PLPP3: variants seen among roughly 807,000 people sequenced by gnomAD.
The protein encoded by PLPP3 is PAP2 beta.
PLPP3 carries 6 observed loss-of-function variants against 29.6 expected under a neutral mutation model. The observed-to-expected ratio is 0.20, with a 90% CI of 0.11 to 0.40. The LOEUF is 0.40. Among genes scored for constraint, PLPP3 ranks in the 10% least tolerant of loss-of-function variants. The pLI, the probability that PLPP3 is intolerant of heterozygous loss-of-function variation, is 1.00. For synonymous variants in PLPP3, 152 were observed against 159.7 expected (o/e 0.95, Z 0.36); for missense variants, 308 against 407.7 (o/e 0.76, Z 2.11).
At chr1:56,572,200 C>T (rs1464761660) in intron 1 of PLPP3, among the ~76,000 whole-genome samples, 1 of 151,984 alleles carries the variant, frequency 6.6e-6, no homozygotes. Flanking sequence ...CAGGCACACA[C>T]CACGATGCCC....
chr1:56,554,505 G>T (rs1214263011), intron 1 of PLPP3, among the ~76,000 whole-genome samples: 1 of 151,040 alleles, frequency 6.6e-6, no homozygotes, highest in Admixed American at 6.6e-5. Flanking sequence ...CCGGGAGGCG[G>T]AGCTTGCAGT....
At chr1:56,554,831 T>C (rs79251419) in intron 1 of PLPP3, among the ~76,000 whole-genome samples, 3,436 of 152,262 alleles carry the variant, frequency 0.023, 49 homozygotes, top group South Asian at 0.092. Context: ...GGGATTTTCT[T>C]AGCACTCCAC....
chr1:56,540,175 A>G (rs1045379391), intron 1 of PLPP3, among the ~76,000 whole-genome samples: 20 of 152,224 alleles, frequency 1.3e-4, no homozygotes, highest in African/African-American at 4.8e-4. Context: ...TTTAATGGGA[A>G]GAATGAAATC....
At chr1:56,510,017 C>T (rs191758310) in intron 5 of PLPP3, among the ~76,000 whole-genome samples, 8 of 152,230 alleles carry the variant, frequency 5.3e-5, no homozygotes, top group Non-Finnish European at 8.8e-5. Flanking sequence ...TCCTCCCGAA[C>T]GCTCTGTCTA....
intron 1 of PLPP3, 31 bp downstream of exon 1, chr1:56,578,847 A>AGGGACAGC (rs755331016): frequency 1.3e-6 from 2 of 1,510,714 alleles, no homozygotes; most frequent in Admixed American, 4.3e-5. Context: ...CGAGGGGCCG[A>AGGGACAGC]GGGGCCGAGG....
intron 2 of PLPP3, among the ~76,000 whole-genome samples, chr1:56,532,096 C>T (rs908936986): frequency 6.6e-6 from 1 of 152,160 alleles, no homozygotes; most frequent in African/African-American, 2.4e-5. Context: ...TCTTCCAGGA[C>T]ATGAGAGTGA....
rs1178724860 is a variant in PLPP3 at position 56,558,907 on chromosome 1, G to T, written c.139+19971C>A. On this transcript the variant is annotated intron_variant, in intron 1 of 5. Transcript: ENST00000371250. ...CTTGTGACAGGGTTAATTCAACACA[G>T]TCAAGACCTCCAACTATCAGGCACT... is the stretch of plus-strand genomic sequence containing the variant. Among the ~76,000 whole-genome samples the T allele has an allele frequency of 5.9e-5, 9 of 152,192 alleles. No individual in the cohort carries two copies. The East Asian group carries it at 1.5e-3, about 26-fold the overall frequency.
Position 56,496,468 on chromosome 1 carries a change from C to T in PLPP3, c.*83G>A. On this transcript the variant is annotated 3_prime_UTR_variant, in exon 6 of 6. Coordinates refer to ENST00000371250, the MANE Select transcript of PLPP3 (RefSeq NM_003713.5). ...TCGGGCAAAAGTTTTTCCCTACATTCTACTGTCTGATGAGATTGGAGAGCA... is the reference window on the plus strand; with the variant it reads ...TCGGGCAAAAGTTTTTCCCTACATTTTACTGTCTGATGAGATTGGAGAGCA... The T allele has an allele frequency of 6.7e-7, 1 of 1,483,598 alleles. No homozygotes were observed. The highest frequency in any genetic ancestry group is 9.2e-7 in the Non-Finnish European group (1 of 1,092,732). 91.9% of individuals were successfully genotyped at this position (1,483,598 alleles called of 1,614,324 possible).
chr1:56,541,783 T>C (rs964901119), intron 1 of PLPP3, among the ~76,000 whole-genome samples: 2 of 152,110 alleles, frequency 1.3e-5, no homozygotes, highest in African/African-American at 4.8e-5. Context: ...TCTCATGGCC[T>C]CTGATGAAAA....
intron 5 of PLPP3, among the ~76,000 whole-genome samples, chr1:56,507,308 T>C (rs941339806): frequency 1.3e-5 from 2 of 152,212 alleles, no homozygotes; most frequent in Non-Finnish European, 2.9e-5. Flanking sequence ...CTACAAGGCC[T>C]CCAGCTTCAA....
rs187037119 is a variant in PLPP3, at chr1:56,571,907, A to C, written c.139+6971T>G. ...TCTCTGAGCTACAGTTCCCTCTTCTATAAAAGGGATCGTCTCTATACCACA... is the reference window on the plus strand; with the variant it reads ...TCTCTGAGCTACAGTTCCCTCTTCTCTAAAAGGGATCGTCTCTATACCACA... On this transcript the variant is annotated intron_variant, in intron 1 of 5. Transcript: ENST00000371250. Among the ~76,000 whole-genome samples the C allele has an allele frequency of 7.2e-5, 11 of 152,230 alleles. No homozygotes were observed. The East Asian group carries it at 2.1e-3, about 29-fold the overall frequency.
At chr1:56,502,601 T>C (rs1380877251) in intron 5 of PLPP3, among the ~76,000 whole-genome samples, 1 of 152,242 alleles carries the variant, frequency 6.6e-6, no homozygotes, top group Non-Finnish European at 1.5e-5. Flanking sequence ...AGATCTGCCA[T>C]TGCATGGCTG....
Position 56,495,367 on chromosome 1 carries a change from T to G in PLPP3, c.*1184A>C, listed in dbSNP as rs1472061249. 1 of 152,588 alleles carries G rather than the reference T, an allele frequency of 6.6e-6. No homozygotes were observed. The highest frequency in any genetic ancestry group is 1.9e-4 in the East Asian group (1 of 5,180). The allele number at this position is 152,588 out of a possible 1,614,324, so 9.5% of individuals were successfully genotyped here. A position where few individuals can be genotyped will look rare whatever the true frequency, so the allele number is the denominator to read the frequency against. On this transcript the variant is annotated 3_prime_UTR_variant, in exon 6 of 6. Transcript: ENST00000371250. ...CCTTGCATGGAAGGACACTTACGGA[T>G]AGAGGATGAGGGAAACTCTCTACCG... is the stretch of plus-strand genomic sequence containing the variant.
At chr1:56,551,570 G>A (rs1275420248) in intron 1 of PLPP3, among the ~76,000 whole-genome samples, 1 of 152,256 alleles carries the variant, frequency 6.6e-6, no homozygotes, top group South Asian at 2.1e-4. Flanking sequence ...GAAGGGGAAG[G>A]AGAAGATGCC....
intron 2 of PLPP3, among the ~76,000 whole-genome samples, chr1:56,525,282 C>A (rs1366511928): frequency 6.6e-6 from 1 of 152,190 alleles, no homozygotes; most frequent in Non-Finnish European, 1.5e-5. Flanking sequence ...GAATACCAGT[C>A]TAACAACTAA....
intron 4 of PLPP3, among the ~76,000 whole-genome samples, chr1:56,518,799 C>T (rs1328837809): frequency 6.6e-6 from 1 of 150,914 alleles, no homozygotes; most frequent in Non-Finnish European, 1.5e-5. Context: ...ATTCTCCTGC[C>T]TTGGCCTCCC....
At chr1:56,507,584 G>C (rs891977616) in intron 5 of PLPP3, among the ~76,000 whole-genome samples, 4 of 152,180 alleles carry the variant, frequency 2.6e-5, no homozygotes, top group Non-Finnish European at 4.4e-5. Flanking sequence ...AAGGCCATGG[G>C]GGACTGGAAG....
rs1557494662 is a variant in PLPP3 at position 56,496,531 on chromosome 1, GC to G, written c.*19del. ...TGTCAGCAGTCATTTTACAAAAACA[GC>G]TCAGGAGGTGGGTGGCACCTACATC... On this transcript the variant is annotated 3_prime_UTR_variant, in exon 6 of 6. Transcript: ENST00000371250. The G allele has an allele frequency of 5.0e-6, 8 of 1,613,044 alleles. No homozygotes were observed. Among genetic ancestry groups the G allele is most frequent in the Non-Finnish European group, 5.9e-6 (7 of 1,179,358 alleles).
intron 5 of PLPP3, among the ~76,000 whole-genome samples, chr1:56,504,731 A>G (rs1645691672): frequency 6.6e-6 from 1 of 152,120 alleles, no homozygotes; most frequent in African/African-American, 2.4e-5. Flanking sequence ...ATGACCATTC[A>G]TTTTTAAATA....
Sources: allele counts gnomAD v4.1 joint callset (sites outside exome capture counted in the v4.1 genomes callset), GRCh38; gene constraint gnomAD v4.1.1; transcripts MANE v1.5; gene names NCBI Gene and HGNC (gene_info 2026-07-23, HGNC 2026-07-21).